The following TNRC6B variants were observed in gnomAD, a reference collection of about 807,000 sequenced individuals.
TNRC6B encodes the protein trinucleotide repeat-containing gene 6B protein.
TNRC6B carries 52 observed loss-of-function variants against 203.6 expected under a neutral mutation model. That is an observed-to-expected ratio of 0.26 (90% CI 0.20 to 0.32). The LOEUF is 0.32. Ranked by LOEUF, TNRC6B falls within the 10% of genes least tolerant of loss-of-function variation. The pLI is 1.00. For missense variants in TNRC6B, 1,923 were observed against 2,286.2 expected (o/e 0.84, Z 3.24); for synonymous variants, 838 against 845.7 (o/e 0.99, Z 0.16).
At chr22:40,123,992 T>G (rs541605670) in intron 2 of TNRC6B, among the ~76,000 whole-genome samples, 1 of 151,930 alleles carries the variant, frequency 6.6e-6, no homozygotes, top group South Asian at 2.1e-4. Context: ...CCCTCATGTG[T>G]TTTACAGAGA....
At position 40,333,529 on chromosome 22, in the gene TNRC6B, C is replaced by T. The variant is rs1359142196; in HGVS notation, c.*10288C>T. On this transcript the variant is annotated 3_prime_UTR_variant, in exon 23 of 23. Transcript: ENST00000454349. ...AGCTCTCAACCTTTCTTGGTTCAGA[C>T]ACACACATACACACCCCTTGAGTAA... 6.6e-6 allele frequency: 1 copy of T among 152,628 alleles called. No homozygotes were observed. Among genetic ancestry groups the T allele is most frequent in the East Asian group, 1.9e-4 (1 of 5,190 alleles). 9.5% of individuals were successfully genotyped at this position (152,628 alleles called of 1,614,324 possible). A position where few individuals can be genotyped will look rare whatever the true frequency, so the allele number is the denominator to read the frequency against.
intron 12 of TNRC6B, among the ~76,000 whole-genome samples, chr22:40,294,761 A>G (rs1198558766): frequency 2.0e-5 from 3 of 152,232 alleles, no homozygotes; most frequent in Non-Finnish European, 2.9e-5. Flanking sequence ...TGAAATTATT[A>G]TATCAGAGAC....
At chr22:40,214,122 C>T (rs1048577048) in intron 1 of TNRC6B, among the ~76,000 whole-genome samples, 2 of 151,986 alleles carry the variant, frequency 1.3e-5, no homozygotes, top group African/African-American at 4.8e-5. Context: ...TAAAAACTAG[C>T]CGGGCGTGGT....
chr22:40,173,798 T>TATATATATATATATATAA (rs1347105048), upstream of TNRC6B, among the ~76,000 whole-genome samples: 82 of 61,084 alleles, frequency 1.3e-3, 1 homozygote, highest in Non-Finnish European at 1.9e-3. Flanking sequence ...TATATATTTT[T>TATATATATATATATATAA]TTTTTTTTTT....
At chr22:40,290,052 C>T (rs991633226) in intron 12 of TNRC6B, among the ~76,000 whole-genome samples, 1 of 152,144 alleles carries the variant, frequency 6.6e-6, no homozygotes, top group African/African-American at 2.4e-5. Context: ...ACCGCCGTTT[C>T]TGTCTAGGTT....
chr22:40,188,122 T>A (rs1022301627), intron 1 of TNRC6B, among the ~76,000 whole-genome samples: 9 of 152,052 alleles, frequency 5.9e-5, no homozygotes, highest in Non-Finnish European at 1.3e-4. Flanking sequence ...GGTAAGAGAA[T>A]CGCTTGAACC....
At chr22:40,316,059 AAG>A (rs1011186115) in intron 21 of TNRC6B, 47 bp downstream of exon 21, 3 of 1,565,780 alleles carry the variant, frequency 1.9e-6, no homozygotes, top group Non-Finnish European at 2.6e-6. Flanking sequence ...TGATTGTATT[AAG>A]AGAGAGGGAA....
At chr22:40,103,921 G>A (rs2068260789) in intron 1 of TNRC6B, among the ~76,000 whole-genome samples, 3 of 150,830 alleles carry the variant, frequency 2.0e-5, no homozygotes, top group Admixed American at 2.0e-4. Flanking sequence ...GGGATTACAG[G>A]CATGAGCCAC....
chr22:40,270,696 G>C lies in TNRC6B; in HGVS notation c.2965+416G>C, dbSNP rs193140775. On this transcript the variant is annotated intron_variant, in intron 6 of 22. Transcript: ENST00000454349. Reference sequence around the variant, plus strand: ...GGTGAGGGCTGTTTAGTTTTAAGCTGTTGATTCAATGAGATTCAGGACCTT... The same window carrying C: ...GGTGAGGGCTGTTTAGTTTTAAGCTCTTGATTCAATGAGATTCAGGACCTT... Among the ~76,000 whole-genome samples, 326 of 152,270 alleles carry C rather than the reference G, an allele frequency of 2.1e-3. 2 individuals are homozygous for C. The highest frequency in any genetic ancestry group is 6.7e-3 in the African/African-American group (280 of 41,542).
At chr22:40,184,783 A>C (rs1253067400) in intron 1 of TNRC6B, among the ~76,000 whole-genome samples, 4 of 152,082 alleles carry the variant, frequency 2.6e-5, no homozygotes, top group African/African-American at 7.2e-5. Context: ...ATGTAAAATA[A>C]CACCTGTGTC....
At chr22:40,055,656 A>G (rs2067788321) in intron 1 of TNRC6B, among the ~76,000 whole-genome samples, 1 of 152,238 alleles carries the variant, frequency 6.6e-6, no homozygotes, top group Non-Finnish European at 1.5e-5. Context: ...CTTCTAGTTA[A>G]TATACTTGCT....
chr22:40,095,586 T>C (rs2068180846), intron 1 of TNRC6B, among the ~76,000 whole-genome samples: 1 of 151,916 alleles, frequency 6.6e-6, no homozygotes, highest in Non-Finnish European at 1.5e-5. Context: ...GATGTAACCA[T>C]GATTTGTGAC....
chr22:40,086,827 C>G (rs534477064), intron 1 of TNRC6B, among the ~76,000 whole-genome samples: 4 of 152,316 alleles, frequency 2.6e-5, no homozygotes, highest in South Asian at 2.1e-4. Context: ...ATTGTCCTCT[C>G]TCTGCCATAC....
chr22:40,128,331 A>G (rs2068511994), intron 3 of TNRC6B, among the ~76,000 whole-genome samples: 1 of 152,172 alleles, frequency 6.6e-6, no homozygotes. Context: ...GAATGATTTA[A>G]TGTATGGCTG....
chr22:40,049,370 C>T (rs2067726111), intron 1 of TNRC6B, among the ~76,000 whole-genome samples: 1 of 152,080 alleles, frequency 6.6e-6, no homozygotes, highest in Non-Finnish European at 1.5e-5. Context: ...TAACATCGTA[C>T]TGTCCTCCTT....
chr22:40,299,893 C>G (rs533618680), intron 12 of TNRC6B, among the ~76,000 whole-genome samples: 1 of 152,340 alleles, frequency 6.6e-6, no homozygotes, highest in East Asian at 1.9e-4. Context: ...CTAGCTCACT[C>G]CTGAGAACAG....
At chr22:40,215,047 G>C (rs2069617152) in intron 1 of TNRC6B, among the ~76,000 whole-genome samples, 1 of 152,046 alleles carries the variant, frequency 6.6e-6, no homozygotes, top group Admixed American at 6.5e-5. Flanking sequence ...CCTTACTAAA[G>C]AATACTTAGC....
intron 1 of TNRC6B, among the ~76,000 whole-genome samples, chr22:40,069,279 T>C (rs993810543): frequency 2.6e-5 from 4 of 151,838 alleles, no homozygotes; most frequent in Non-Finnish European, 5.9e-5. Flanking sequence ...ATAAAATTTT[T>C]TTTTTTTGTA....
chr22:40,132,969 A>AAAAAAAAAATATAT (rs1282694632), intron 3 of TNRC6B, among the ~76,000 whole-genome samples: 5 of 78,182 alleles, frequency 6.4e-5, no homozygotes, highest in East Asian at 4.0e-4. Flanking sequence ...AAAAAAAAAA[A>AAAAAAAAAATATAT]ATATATATAT....
Sources: gnomAD v4.1 joint callset for allele counts (sites outside exome capture counted in the v4.1 genomes callset) on GRCh38, gnomAD v4.1.1 for gene constraint, MANE v1.5 for transcripts, NCBI Gene and HGNC (gene_info 2026-07-23, HGNC 2026-07-21) for gene names.